SPOCK3: variants seen among roughly 807,000 people sequenced by gnomAD.
The protein encoded by SPOCK3 is testican-3.
SPOCK3 carries 30 observed loss-of-function variants against 56.6 expected under a neutral mutation model. The observed-to-expected ratio is 0.53, with a 90% CI of 0.40 to 0.72. The LOEUF (loss-of-function observed/expected upper bound fraction) is 0.72. SPOCK3 is among the 30% of genes least tolerant of loss of function. The pLI is 0.00. For synonymous variants in SPOCK3, 196 were observed against 183.3 expected, an observed-to-expected ratio of 1.07 and a Z score of -0.56; for missense variants, 527 against 530.0, an observed-to-expected ratio of 0.99 and a Z score of 0.06.
chr4:167,176,265 T>A (rs1304789781), intron 2 of SPOCK3, among the ~76,000 whole-genome samples: 1 of 152,158 alleles, frequency 6.6e-6, no homozygotes, highest in Non-Finnish European at 1.5e-5. Flanking sequence ...TTTTGCTATG[T>A]AAAGTAATAT....
chr4:167,064,356 G>A (rs1220800616), intron 2 of SPOCK3, among the ~76,000 whole-genome samples: 1 of 151,574 alleles, frequency 6.6e-6, no homozygotes, highest in African/African-American at 2.4e-5. Flanking sequence ...ATTAAGAAAG[G>A]ATAATGCTAC....
At chr4:167,152,826 T>C (rs1009888885) in intron 2 of SPOCK3, among the ~76,000 whole-genome samples, 2 of 152,196 alleles carry the variant, frequency 1.3e-5, no homozygotes, top group African/African-American at 2.4e-5. Flanking sequence ...TATCAAAATA[T>C]GTTTTTTAAA....
chr4:166,841,324 A>C lies in SPOCK3; in HGVS notation c.589+47806T>G, dbSNP rs147191108. ...TCCAGATGTTAGCCATACCAGTAGG[A>C]TGTCACAGAATAAGAATAATAAGTG... On this transcript the variant is annotated intron_variant, in intron 6 of 10. Transcript: ENST00000357545. 8.5e-5 allele frequency among the ~76,000 whole-genome samples: 13 copies of C among 152,350 alleles called. No homozygotes were observed. In the East Asian group the frequency reaches 2.3e-3, roughly 27 times the overall value.
intron 8 of SPOCK3, among the ~76,000 whole-genome samples, chr4:166,753,453 A>T (rs964667937): frequency 2.0e-5 from 3 of 151,970 alleles, no homozygotes; most frequent in African/African-American, 7.2e-5. Context: ...AACTTTGTTT[A>T]GAGTGGTTTA....
chr4:167,162,833 A>G (rs1765434373), intron 2 of SPOCK3, among the ~76,000 whole-genome samples: 1 of 152,048 alleles, frequency 6.6e-6, no homozygotes, highest in South Asian at 2.1e-4. Flanking sequence ...TGCAGTGTTC[A>G]TACAATAATC....
chr4:166,834,167 G>T (rs1005303092), intron 6 of SPOCK3, among the ~76,000 whole-genome samples: 1 of 152,042 alleles, frequency 6.6e-6, no homozygotes, highest in African/African-American at 2.4e-5. Flanking sequence ...TATTTCTCTT[G>T]AGCACCAATG....
intron 4 of SPOCK3, among the ~76,000 whole-genome samples, chr4:166,965,169 A>G (rs1049637505): frequency 6.6e-6 from 1 of 151,972 alleles, no homozygotes; most frequent in Non-Finnish European, 1.5e-5. Context: ...TGAAATACCC[A>G]AAAATTCATG....
intron 7 of SPOCK3, among the ~76,000 whole-genome samples, chr4:166,788,210 A>AAAC (rs1579227284): frequency 6.6e-6 from 1 of 152,040 alleles, no homozygotes; most frequent in East Asian, 1.9e-4. Context: ...AAACAAAAAA[A>AAAC]CCCAGAAATC....
At chr4:167,090,285 G>A (rs1460729442) in intron 2 of SPOCK3, among the ~76,000 whole-genome samples, 8 of 151,784 alleles carry the variant, frequency 5.3e-5, no homozygotes, top group Admixed American at 5.2e-4. Flanking sequence ...TCAGCACTTG[G>A]CATTGTCTTT....
At chr4:166,877,126 G>A (rs531107817) in intron 6 of SPOCK3, among the ~76,000 whole-genome samples, 2 of 152,062 alleles carry the variant, frequency 1.3e-5, no homozygotes, top group Admixed American at 1.3e-4. Flanking sequence ...GGATTTAAAG[G>A]GTTTGTGCAA....
intron 4 of SPOCK3, among the ~76,000 whole-genome samples, chr4:166,989,989 A>G (rs1224764230): frequency 6.6e-6 from 1 of 152,162 alleles, no homozygotes; most frequent in East Asian, 1.9e-4. Context: ...AGTCACACCC[A>G]TATCTTAACC....
intron 4 of SPOCK3, among the ~76,000 whole-genome samples, chr4:166,983,405 T>C (rs1746800393): frequency 6.6e-6 from 1 of 152,102 alleles, no homozygotes; most frequent in African/African-American, 2.4e-5. Flanking sequence ...TTTGTTAGCT[T>C]CTATGTATTA....
At position 167,234,102 on chromosome 4, in the gene SPOCK3, C is replaced by T. The variant is rs776445613; in HGVS notation, c.72G>A (p.Ala24=). ...ACCGCCCCCCGGCTGCAGCCACCGC[C>T]GCGGCAGCTGCGAGAGACTGACTGC... is the stretch of plus-strand genomic sequence containing the variant. ...AWCSQSLAAA[A]AVAAAGGRSD... is the part of the protein sequence containing the mutation. The change falls in exon 2 of 11, where the codon GCG becomes GCA. Residue 24 remains alanine (A), a synonymous_variant. Transcript: ENST00000357545. 1 of 1,613,874 alleles carries T rather than the reference C, an allele frequency of 6.2e-7. No homozygotes were observed. The highest frequency in any genetic ancestry group is 1.7e-5 in the Admixed American group (1 of 60,016).
chr4:167,167,065 G>T (rs1730031161), intron 2 of SPOCK3, among the ~76,000 whole-genome samples: 1 of 151,792 alleles, frequency 6.6e-6, no homozygotes, highest in Non-Finnish European at 1.5e-5. Flanking sequence ...TATTCTTGCT[G>T]GGGCAAGCTG....
chr4:166,980,453 C>T (rs965321832), intron 4 of SPOCK3, among the ~76,000 whole-genome samples: 38 of 152,364 alleles, frequency 2.5e-4, no homozygotes, highest in Admixed American at 2.2e-3. Context: ...ACCTCTGTGG[C>T]TGGTGGTATC....
In SPOCK3 at chr4:167,204,966, T is replaced by C. The variant is rs1325892678; in HGVS notation, c.189+29019A>G. Reference sequence around the variant, plus strand: ...TCAGCCTCCTAGGTAGCTATGTCTATGGGTGTTGGGGGTCGTGCACAGTAC... The same window carrying C: ...TCAGCCTCCTAGGTAGCTATGTCTACGGGTGTTGGGGGTCGTGCACAGTAC... On this transcript the variant is annotated intron_variant, in intron 2 of 10. Coordinates refer to ENST00000357545, the MANE Select transcript of SPOCK3 (RefSeq NM_001040159.2). 6.7e-5 allele frequency among the ~76,000 whole-genome samples: 10 copies of C among 148,604 alleles called. No homozygotes were observed. In the East Asian group the frequency reaches 2.0e-3, roughly 30 times the overall value.
intron 2 of SPOCK3, among the ~76,000 whole-genome samples, chr4:167,157,959 G>C (rs1456975461): frequency 6.6e-6 from 1 of 151,922 alleles, no homozygotes; most frequent in Admixed American, 6.6e-5. Flanking sequence ...TAATAATCCA[G>C]AGGTCTTTAT....
chr4:166,738,248 G>A (rs1027236442), intron 9 of SPOCK3, among the ~76,000 whole-genome samples: 2 of 152,014 alleles, frequency 1.3e-5, no homozygotes, highest in African/African-American at 4.8e-5. Flanking sequence ...TTGTGTGTGT[G>A]TGTGTGTTGA....
At chr4:166,837,519 A>G (rs1746749606) in intron 6 of SPOCK3, among the ~76,000 whole-genome samples, 2 of 152,132 alleles carry the variant, frequency 1.3e-5, no homozygotes, top group Admixed American at 1.3e-4. Context: ...TATACAAAGC[A>G]TCAATAGATT....
Sources: gnomAD v4.1 joint callset for allele counts (sites outside exome capture counted in the v4.1 genomes callset) on GRCh38, gnomAD v4.1.1 for gene constraint, MANE v1.5 for transcripts, NCBI Gene and HGNC (gene_info 2026-07-23, HGNC 2026-07-21) for gene names.